The following MARCHF1 variants were observed in gnomAD, a reference collection of about 807,000 sequenced individuals.
MARCHF1 encodes membrane associated ring-CH-type finger 1, also known as E3 ubiquitin-protein ligase MARCHF1.
In MARCHF1, 40 loss-of-function variants were observed where a neutral mutation model predicts 54.2. The observed-to-expected ratio is 0.74, with a 90% CI of 0.57 to 0.96. MARCHF1 has a LOEUF of 0.96. Ranked by LOEUF, MARCHF1 falls within the 40% of genes least tolerant of loss-of-function variation. The pLI, the probability that MARCHF1 is intolerant of heterozygous loss-of-function variation, is 0.00. For synonymous variants in MARCHF1, 236 were observed against 236.3 expected (o/e 1.00, Z 0.01); for missense variants, 586 against 656.5 (o/e 0.89, Z 1.17).
chr4:163,552,185 C>G (rs899531985), intron 8 of MARCHF1, among the ~76,000 whole-genome samples: 1 of 152,192 alleles, frequency 6.6e-6, no homozygotes, highest in Admixed American at 6.5e-5. Flanking sequence ...AGTGCAGCTC[C>G]TCTGTCTCTC....
chr4:164,243,363 A>C (rs1263066302), intron 1 of MARCHF1, among the ~76,000 whole-genome samples: 3 of 149,408 alleles, frequency 2.0e-5, no homozygotes, highest in African/African-American at 7.4e-5. Context: ...CCAGAATTTC[A>C]TATCCAGCCA....
chr4:163,810,652 TGA>T (rs1417904016), intron 4 of MARCHF1, among the ~76,000 whole-genome samples: 10 of 152,180 alleles, frequency 6.6e-5, no homozygotes, highest in African/African-American at 2.4e-4. Flanking sequence ...AAACAATCAT[TGA>T]GAGTGCTGTT....
At chr4:164,152,881 A>G (rs1003599080) in intron 1 of MARCHF1, among the ~76,000 whole-genome samples, 2 of 151,482 alleles carry the variant, frequency 1.3e-5, no homozygotes, top group African/African-American at 4.8e-5. Context: ...CTGGAAGTCC[A>G]CCCCCCACCC....
intron 6 of MARCHF1, 126 bp from the exon 7 acceptor site, chr4:163,613,164 A>G: frequency 8.1e-7 from 1 of 1,233,172 alleles, no homozygotes; most frequent in South Asian, 1.7e-5. Flanking sequence ...TCAACTGAAG[A>G]AAATGAACTA....
At chr4:164,314,132 GTCTTC>G (rs1734938025) in intron 1 of MARCHF1, among the ~76,000 whole-genome samples, 1 of 152,188 alleles carries the variant, frequency 6.6e-6, no homozygotes, top group Admixed American at 6.5e-5. Context: ...TCTGCTGATT[GTCTTC>G]TCTGCTTTGT....
At chr4:164,248,402 C>T (rs1733023450) in intron 1 of MARCHF1, among the ~76,000 whole-genome samples, 1 of 151,916 alleles carries the variant, frequency 6.6e-6, no homozygotes, top group African/African-American at 2.4e-5. Flanking sequence ...GTAAGGGCTA[C>T]AAGATTATTA....
At chr4:164,138,970 G>A (rs1447595964) in intron 1 of MARCHF1, among the ~76,000 whole-genome samples, 1 of 152,144 alleles carries the variant, frequency 6.6e-6, no homozygotes, top group Non-Finnish European at 1.5e-5. Flanking sequence ...TTAAATTTTA[G>A]TTATCTCATT....
chr4:163,951,598 G>A (rs1355097193), intron 3 of MARCHF1, among the ~76,000 whole-genome samples: 1 of 152,200 alleles, frequency 6.6e-6, no homozygotes, highest in African/African-American at 2.4e-5. Flanking sequence ...ACAAGGAAGA[G>A]AAGGAGAAAT....
At chr4:163,656,907 T>C (rs1317259565) in intron 5 of MARCHF1, among the ~76,000 whole-genome samples, 1 of 151,970 alleles carries the variant, frequency 6.6e-6, no homozygotes, top group Non-Finnish European at 1.5e-5. Flanking sequence ...GGAACATACC[T>C]CAAAATAATG....
chr4:163,654,584 T>C (rs1280678542), intron 5 of MARCHF1, among the ~76,000 whole-genome samples: 1 of 151,710 alleles, frequency 6.6e-6, no homozygotes, highest in Non-Finnish European at 1.5e-5. Flanking sequence ...GGGTGAATTG[T>C]TCTCATTCTA....
At chr4:163,977,046 T>C (rs548105225) in intron 3 of MARCHF1, among the ~76,000 whole-genome samples, 1 of 152,184 alleles carries the variant, frequency 6.6e-6, no homozygotes, top group East Asian at 1.9e-4. Context: ...CATAGAAAAG[T>C]TGTGAGTTAT....
At chr4:163,953,876 G>A (rs1318086222) in intron 3 of MARCHF1, among the ~76,000 whole-genome samples, 2 of 152,154 alleles carry the variant, frequency 1.3e-5, no homozygotes, top group Non-Finnish European at 2.9e-5. Flanking sequence ...GCAGAGTTGA[G>A]TGGATAAGGG....
chr4:164,023,550 G>A, intron 2 of MARCHF1, among the ~76,000 whole-genome samples: 1 of 152,148 alleles, frequency 6.6e-6, no homozygotes, highest in East Asian at 1.9e-4. Context: ...TAGACAGAGG[G>A]CTGGCCCTCT....
rs189156024 is a variant in MARCHF1, at chr4:164,003,644, C to T, written c.-247-14935G>A. ...TTAAAAAGTCAAGAAACAATGAATG[C>T]TGTGAGGCTGTGGAGAAATAGGAAC... is the stretch of plus-strand genomic sequence containing the variant. On this transcript the variant is annotated intron_variant, in intron 2 of 9. Transcript: ENST00000514618. 2.5e-4 allele frequency among the ~76,000 whole-genome samples: 38 copies of T among 152,066 alleles called. 1 individual carries two copies. The East Asian group carries it at 7.0e-3, about 28-fold the overall frequency.
At chr4:163,838,144 GTCATC>G (rs1317302497) in intron 4 of MARCHF1, among the ~76,000 whole-genome samples, 1 of 152,046 alleles carries the variant, frequency 6.6e-6, no homozygotes, top group African/African-American at 2.4e-5. Flanking sequence ...TGCACATATA[GTCATC>G]CCCAGTTATC....
intron 4 of MARCHF1, among the ~76,000 whole-genome samples, chr4:163,826,602 C>T (rs899513663): frequency 1.3e-5 from 2 of 151,882 alleles, no homozygotes; most frequent in Non-Finnish European, 2.9e-5. Context: ...TTTAGCAAAA[C>T]CAACATACAC....
At position 163,612,571 on chromosome 4, in the gene MARCHF1, T is replaced by C; in HGVS notation, c.710A>G (p.His237Arg). The change falls in exon 7 of 10, where the codon CAT becomes CGT. Residue 237 changes from histidine (H) to arginine (R), a missense_variant. This residue lies in a region of MARCHF1 where 387 missense variants were observed against 394.6 expected (regional missense o/e 0.98). Coordinates refer to ENST00000514618, the MANE Select transcript of MARCHF1 (RefSeq NM_001394959.1). ...AGGGTTGCATTCTTGGTACCTTGTA[T>C]GTTTTCCTCTGTGGAGATTTAAAGA... is the stretch of plus-strand genomic sequence containing the variant. Reference protein sequence around the residue: ...SCSLNLHRGKHTRYQECNPSL... With the variant: ...SCSLNLHRGKRTRYQECNPSL... 6.5e-7 allele frequency: 1 copy of C among 1,535,610 alleles called. No individual in the cohort carries two copies. Among genetic ancestry groups the C allele is most frequent in the Non-Finnish European group, 8.7e-7 (1 of 1,146,550 alleles).
intron 4 of MARCHF1, chr4:163,828,691 A>G (rs1748925352): frequency 6.6e-6 from 1 of 152,172 alleles, no homozygotes; most frequent in South Asian, 2.1e-4. Flanking sequence ...GTTGGTTGGC[A>G]AAACATCTCA....
intron 2 of MARCHF1, among the ~76,000 whole-genome samples, chr4:164,021,636 G>T (rs1325393604): frequency 2.0e-4 from 31 of 151,692 alleles, no homozygotes. Context: ...ATTTATATTT[G>T]AAAATATGGT....
Sources: gnomAD v4.1 joint callset for allele counts (sites outside exome capture counted in the v4.1 genomes callset) on GRCh38, gnomAD v4.1.1 for gene constraint, gnomAD v4.1.1 regional missense constraint, MANE v1.5 for transcripts, NCBI Gene and HGNC (gene_info 2026-07-23, HGNC 2026-07-21) for gene names.